The following SEPTIN8 variants were observed in gnomAD, a reference collection of about 807,000 sequenced individuals.
The protein encoded by SEPTIN8 is septin 8, also known as septin-8.
In SEPTIN8, 22 loss-of-function variants were observed where a neutral mutation model predicts 53.1. The ratio of observed to expected loss-of-function variants is 0.41; its 90% confidence interval spans 0.30 to 0.59. SEPTIN8 has a LOEUF of 0.59. Among genes scored for constraint, SEPTIN8 ranks in the 20% least tolerant of loss-of-function variants. The pLI, the probability that SEPTIN8 is intolerant of heterozygous loss-of-function variation, is 0.24. For missense variants in SEPTIN8, 536 were observed against 638.7 expected (o/e 0.84, Z 1.73); for synonymous variants, 228 against 248.4 (o/e 0.92, Z 0.77).
intron 9 of SEPTIN8, chr5:132,757,102 G>A (rs568534541): frequency 1.6e-5 from 16 of 985,238 alleles, no homozygotes; most frequent in African/African-American, 1.2e-4. Context: ...AACCAGATAC[G>A]GACTTATTGT....
rs1297015987 is a variant in SEPTIN8 at position 132,776,136 on chromosome 5, C to T, written c.30+972G>A. On this transcript the variant is annotated intron_variant, in intron 1 of 9. Transcript: ENST00000378719. This position sits in a 1 kb window ranked among gnomAD's most constrained non-coding sequence, Gnocchi z 4.4. ...TCACATATTCAGAATTCCCCCTTCCCTCCAACAGCCCTGGGCCTCCCTCCT... is the reference window on the plus strand; with the variant it reads ...TCACATATTCAGAATTCCCCCTTCCTTCCAACAGCCCTGGGCCTCCCTCCT... Among the ~76,000 whole-genome samples the T allele has an allele frequency of 6.6e-6, 1 of 152,100 alleles. No individual in the cohort carries two copies. The highest frequency in any genetic ancestry group is 6.5e-5 in the Admixed American group (1 of 15,270).
intron 1 of SEPTIN8, among the ~76,000 whole-genome samples, chr5:132,769,369 T>C (rs1756943538): frequency 6.6e-6 from 1 of 152,204 alleles, no homozygotes; most frequent in Non-Finnish European, 1.5e-5. Flanking sequence ...GCACTGGACA[T>C]GTCTGCTGTG....
At chr5:132,758,862 A>G in intron 9 of SEPTIN8, 1 of 1,588,812 alleles carries the variant, frequency 6.3e-7, no homozygotes, top group East Asian at 2.2e-5. Flanking sequence ...ACAAAAACAG[A>G]CACATTAAAA....
chr5:132,751,119 G>A lies in SEPTIN8; in HGVS notation c.*897C>T, dbSNP rs979861314. The A allele has an allele frequency of 1.3e-5, 15 of 1,119,900 alleles. No homozygotes were observed. In the African/African-American group the frequency reaches 2.3e-4, roughly 17 times the overall value. The allele number at this position is 1,119,900 out of a possible 1,614,324, so 69.4% of individuals were successfully genotyped here. A position where few individuals can be genotyped will look rare whatever the true frequency, so the allele number is the denominator to read the frequency against. ...CGCCCTTGCACATGCACCACAGTGA[G>A]GTGACGCACAAGGCTCATGACATAC... On this transcript the variant is annotated 3_prime_UTR_variant, in exon 10 of 10. Transcript: ENST00000378719.
In SEPTIN8 at chr5:132,760,332, C is replaced by A. The variant is rs1244627033; in HGVS notation, c.1286+470G>T. Reference sequence around the variant, plus strand: ...TGACATTCCCAGGTCCTGTCCCGCCCCTGGCCTGAAAGACCATTCCCAGCA... The same window carrying A: ...TGACATTCCCAGGTCCTGTCCCGCCACTGGCCTGAAAGACCATTCCCAGCA... On this transcript the variant is annotated intron_variant, in intron 9 of 9. Transcript: ENST00000378719. The surrounding 1 kb of genome is among the most constrained non-coding windows in gnomAD (Gnocchi z 5.2). 6.6e-6 allele frequency among the ~76,000 whole-genome samples: 1 copy of A among 152,118 alleles called. No individual in the cohort carries two copies. The highest frequency in any genetic ancestry group is 1.9e-4 in the East Asian group (1 of 5,158).
chr5:132,755,795 ACT>A (rs1755274392), intron 9 of SEPTIN8, among the ~76,000 whole-genome samples: 1 of 151,914 alleles, frequency 6.6e-6, no homozygotes. Flanking sequence ...CTTTCCTGTG[ACT>A]CTTCCCTCCA....
chr5:132,758,965 G>T (rs1172489622), intron 9 of SEPTIN8: 9 of 825,988 alleles, frequency 1.1e-5, no homozygotes, highest in Non-Finnish European at 4.2e-6. Flanking sequence ...GCAAAGCAGA[G>T]AATTCACCTC....
At position 132,751,911 on chromosome 5, in the gene SEPTIN8, G is replaced by T; in HGVS notation, c.*105C>A. The T allele has an allele frequency of 6.5e-7, 1 of 1,534,318 alleles. No individual in the cohort carries two copies. The highest frequency in any genetic ancestry group is 8.8e-7 in the Non-Finnish European group (1 of 1,132,502). ...TAAATTGTTTGCACTTTTGATCATT[G>T]ATATAGGAAAAGTATGGCGTTTTCT... On this transcript the variant is annotated 3_prime_UTR_variant, in exon 10 of 10. Transcript: ENST00000378719.
intron 2 of SEPTIN8, 117 bp downstream of exon 2, chr5:132,765,292 C>G: frequency 7.8e-7 from 1 of 1,275,630 alleles, no homozygotes; most frequent in Non-Finnish European, 1.1e-6. Context: ...TCCTGACACC[C>G]CCAAAGTTTC....
At position 132,763,841 on chromosome 5, in the gene SEPTIN8, C is replaced by T. The variant is rs780063490; in HGVS notation, c.399G>A (p.Gln133=). The change falls in exon 4 of 10, where the codon CAG becomes CAA. Residue 133 remains glutamine (Q), a synonymous_variant. Coordinates refer to ENST00000378719, the MANE Select transcript of SEPTIN8 (RefSeq NM_001098811.2). ...YIDAQFENYL[Q]EELKIRRSLF... Reference sequence around the variant, plus strand: ...GCGAGCGGCGGATCTTCAGCTCCTCCTGCAGATAATTTTCAAACTGCGCAT... The same window carrying T: ...GCGAGCGGCGGATCTTCAGCTCCTCTTGCAGATAATTTTCAAACTGCGCAT... The T allele has an allele frequency of 1.9e-6, 3 of 1,607,126 alleles. No individual in the cohort carries two copies. The highest frequency in any genetic ancestry group is 2.6e-6 in the Non-Finnish European group (3 of 1,176,340).
At position 132,765,452 on chromosome 5, in the gene SEPTIN8, G is replaced by C; in HGVS notation, c.108C>G (p.Ser36Arg). The change falls in exon 2 of 10, where the codon AGC (serine) becomes AGG (arginine). Residue 36 changes from serine to arginine, a missense_variant. Physicochemically the swap from Ser to Arg is moderately radical, Grantham distance 110. Coordinates refer to ENST00000378719, the MANE Select transcript of SEPTIN8 (RefSeq NM_001098811.2). ...GFDSLPDQLV[S>R]KSVTQGFSFN... ...AGCTGAAGCCCTGAGTGACCGACTT[G>C]CTGACCAGCTGGTCGGGGAGGCTGT... The C allele has an allele frequency of 7.4e-6, 12 of 1,613,614 alleles. No homozygotes were observed. Among genetic ancestry groups the C allele is most frequent in the Non-Finnish European group, 6.8e-6 (8 of 1,179,710 alleles).
chr5:132,772,731 A>C (rs943894471), intron 1 of SEPTIN8, among the ~76,000 whole-genome samples: 11 of 152,176 alleles, frequency 7.2e-5, no homozygotes, highest in African/African-American at 2.7e-4. Flanking sequence ...TGGCACTGCT[A>C]TACTTCTCTG....
rs957399673 is a variant in SEPTIN8, at chr5:132,776,477, C to G, written c.30+631G>C. 7.2e-5 allele frequency among the ~76,000 whole-genome samples: 11 copies of G among 152,352 alleles called. No individual in the cohort carries two copies. The highest frequency in any genetic ancestry group is 2.4e-4 in the African/African-American group (10 of 41,590). On this transcript the variant is annotated intron_variant, in intron 1 of 9. Transcript: ENST00000378719. This position sits in a 1 kb window ranked among gnomAD's most constrained non-coding sequence, Gnocchi z 4.4. The stretch of plus-strand genomic sequence containing the variant: ...CGCCCACTGGGCTGAGTCTGGAATC[C>G]CTCCAGCTCCTGGCGAATGGCTGCC...
chr5:132,778,103 A>C (rs371188865), upstream of SEPTIN8: 25 of 985,018 alleles, frequency 2.5e-5, no homozygotes, highest in African/African-American at 4.4e-4. Context: ...CGGAGGCCTC[A>C]GGAGGTTCTG....
chr5:132,751,571 A>G lies in SEPTIN8; in HGVS notation c.*445T>C. ...TATGAAGCATGAAGATTAAATTACTAAAGACTGTTTCATTACGAAAACTGG... is the reference window on the plus strand; with the variant it reads ...TATGAAGCATGAAGATTAAATTACTGAAGACTGTTTCATTACGAAAACTGG... On this transcript the variant is annotated 3_prime_UTR_variant, in exon 10 of 10. Transcript: ENST00000378719. 1 of 261,488 alleles carries G rather than the reference A, an allele frequency of 3.8e-6. No individual in the cohort carries two copies. The highest frequency in any genetic ancestry group is 6.1e-5 in the South Asian group (1 of 16,262). The allele number at this position is 261,488 out of a possible 1,614,324, so 16.2% of individuals were successfully genotyped here. A position where few individuals can be genotyped will look rare whatever the true frequency, so the allele number is the denominator to read the frequency against.
In SEPTIN8 at chr5:132,761,688, G is replaced by A; in HGVS notation, c.794-62C>T. 1.3e-6 allele frequency: 2 copies of A among 1,598,926 alleles called. No individual in the cohort carries two copies. Among genetic ancestry groups the A allele is most frequent in the Non-Finnish European group, 1.7e-6 (2 of 1,171,248 alleles). ...TGCAGGCGGGCACACTCCAGAGTCAGGGTAGGCACGCAGGTGGGCATGAGG... is the reference window on the plus strand; with the variant it reads ...TGCAGGCGGGCACACTCCAGAGTCAAGGTAGGCACGCAGGTGGGCATGAGG... On this transcript the variant is annotated intron_variant, in intron 6 of 9. Transcript: ENST00000378719. The surrounding 1 kb of genome is among the most constrained non-coding windows in gnomAD (Gnocchi z 5.8).
At chr5:132,755,676 T>A (rs1287745356) in intron 9 of SEPTIN8, among the ~76,000 whole-genome samples, 1 of 152,232 alleles carries the variant, frequency 6.6e-6, no homozygotes, top group African/African-American at 2.4e-5. Flanking sequence ...CAAGCCTTTG[T>A]GTTAAGGAGG....
At chr5:132,756,020 A>C (rs1755297064) in intron 9 of SEPTIN8, 1 of 985,294 alleles carries the variant, frequency 1.0e-6, no homozygotes, top group Admixed American at 6.1e-5. Context: ...TAAATGCAAA[A>C]TTTAATGAAA....
Position 132,763,590 on chromosome 5 carries a change from C to T in SEPTIN8, c.534+116G>A, listed in dbSNP as rs1053992969. On this transcript the variant is annotated intron_variant, in intron 4 of 9. Transcript: ENST00000378719. ...GAGGACCGAGCCAATGGGGGGCCAC[C>T]CACAAGCCCCCGACCAGGTCCCTGA... is the stretch of plus-strand genomic sequence containing the variant. 26 of 955,392 alleles carry T rather than the reference C, an allele frequency of 2.7e-5. No homozygotes were observed. In the African/African-American group the frequency reaches 4.1e-4, roughly 15 times the overall value. 59.2% of individuals were successfully genotyped at this position (955,392 alleles called of 1,614,324 possible). A position where few individuals can be genotyped will look rare whatever the true frequency, so the allele number is the denominator to read the frequency against.
Sources: gnomAD v4.1 joint callset for allele counts (sites outside exome capture counted in the v4.1 genomes callset) on GRCh38, gnomAD v4.1.1 for gene constraint, Gnocchi (gnomAD v3.1) non-coding constraint, MANE v1.5 for transcripts, NCBI Gene and HGNC (gene_info 2026-07-23, HGNC 2026-07-21) for gene names.